The following AACS variants were observed in gnomAD, a reference collection of about 807,000 sequenced individuals.
The protein encoded by AACS is acetoacetyl-CoA synthetase.
Under a neutral mutation model 83.1 loss-of-function variants are expected in AACS, and 69 were observed. The ratio of observed to expected loss-of-function variants is 0.83; its 90% confidence interval spans 0.68 to 1.01. The LOEUF is 1.01. Among genes scored for constraint, AACS ranks in the 50% least tolerant of loss-of-function variants. AACS has a pLI of 0.00. For missense variants in AACS, 866 were observed against 882.2 expected (o/e 0.98, Z 0.23); for synonymous variants, 333 against 343.4 (o/e 0.97, Z 0.33).
intron 8 of AACS, among the ~76,000 whole-genome samples, chr12:125,109,589 C>A (rs934285634): frequency 6.6e-6 from 1 of 152,226 alleles, no homozygotes; most frequent in African/African-American, 2.4e-5. Flanking sequence ...CAGGAGCGTT[C>A]TCTTACAGAA....
chr12:125,079,844 A>G (rs1429322893), intron 3 of AACS, among the ~76,000 whole-genome samples: 4 of 152,102 alleles, frequency 2.6e-5, no homozygotes, highest in Admixed American at 1.3e-4. Flanking sequence ...CCCCATACCA[A>G]TTAGCAGTCA....
At chr12:125,090,318 CAACT>C (rs375567983) in intron 4 of AACS, among the ~76,000 whole-genome samples, 1,156 of 12,752 alleles carry the variant, frequency 0.091, 20 homozygotes, top group African/African-American at 0.22. Context: ...TCCATCCATC[CAACT>C]GTCTATACAT....
chr12:125,121,523 A>G (rs915624325), intron 10 of AACS: 4 of 152,248 alleles, frequency 2.6e-5, no homozygotes, highest in African/African-American at 9.6e-5. Context: ...TTATTGACAC[A>G]TTCGATCAAA....
chr12:125,106,371 A>T (rs560423891), intron 7 of AACS, among the ~76,000 whole-genome samples: 1 of 152,308 alleles, frequency 6.6e-6, no homozygotes, highest in Non-Finnish European at 1.5e-5. Flanking sequence ...CACCTACAAC[A>T]ATGCTGCCTG....
At chr12:125,066,969 C>A (rs147011825) in intron 1 of AACS, among the ~76,000 whole-genome samples, 2 of 152,334 alleles carry the variant, frequency 1.3e-5, no homozygotes, top group East Asian at 3.9e-4. Context: ...CTTTCCTCCT[C>A]ACCAAACAGT....
chr12:125,077,229 TA>T (rs1416354376), intron 3 of AACS, among the ~76,000 whole-genome samples: 2 of 152,086 alleles, frequency 1.3e-5, no homozygotes, highest in African/African-American at 4.8e-5. Flanking sequence ...GTGCAGCTTT[TA>T]AAAATTTATT....
At chr12:125,074,022 G>A (rs771390219) in intron 2 of AACS, 43 bp downstream of exon 2, 12 of 1,487,078 alleles carry the variant, frequency 8.1e-6, no homozygotes, top group Admixed American at 5.2e-5. Flanking sequence ...TTTTGTGGTC[G>A]TGCTTCAAAG....
In AACS at chr12:125,113,738, A is replaced by G. The variant is rs1389071522; in HGVS notation, c.916-739A>G. ...AAATATGTGCCGGCATCAGCAAGAA[A>G]GACGTTCACAGGAAACTGCTAGGAC... On this transcript the variant is annotated intron_variant, in intron 8 of 17. Transcript: ENST00000316519. This position sits in a 1 kb window ranked among gnomAD's most constrained non-coding sequence, Gnocchi z 4.8. Among the ~76,000 whole-genome samples, 3 of 152,222 alleles carry G rather than the reference A, an allele frequency of 2.0e-5. No homozygotes were observed. The highest frequency in any genetic ancestry group is 4.4e-5 in the Non-Finnish European group (3 of 68,050).
Position 125,091,349 on chromosome 12 carries a change from C to G in AACS, c.473-77C>G, listed in dbSNP as rs1394958547. On this transcript the variant is annotated intron_variant, in intron 4 of 17. Coordinates refer to ENST00000316519, the MANE Select transcript of AACS (RefSeq NM_023928.5). ...CCCCCTTCCCACTCTGACCTTGGCTCTCAGAGAAACCTTTTGGACATCTGC... is the reference window on the plus strand; with the variant it reads ...CCCCCTTCCCACTCTGACCTTGGCTGTCAGAGAAACCTTTTGGACATCTGC... The G allele has an allele frequency of 4.8e-6, 7 of 1,464,514 alleles. No homozygotes were observed. The Admixed American group carries it at 1.1e-4, about 23-fold the overall frequency. The allele number at this position is 1,464,514 out of a possible 1,614,324, so 90.7% of individuals were successfully genotyped here.
At chr12:125,103,339 G>T (rs1239629400) in intron 7 of AACS, among the ~76,000 whole-genome samples, 4 of 152,222 alleles carry the variant, frequency 2.6e-5, no homozygotes, top group Non-Finnish European at 5.9e-5. Flanking sequence ...CTTATGTAGG[G>T]GGCTCTGATG....
intron 1 of AACS, among the ~76,000 whole-genome samples, chr12:125,066,287 A>G (rs1955690738): frequency 6.7e-6 from 1 of 149,798 alleles, no homozygotes; most frequent in African/African-American, 2.5e-5. Flanking sequence ...CTCTCTTTCC[A>G]CCCATCACCT....
chr12:125,120,324 C>G (rs1318192927), intron 10 of AACS: 1 of 152,164 alleles, frequency 6.6e-6, no homozygotes, highest in Non-Finnish European at 1.5e-5. Context: ...GTTGCCAGAG[C>G]TCCAGGGGCC....
At chr12:125,136,519 C>T in intron 16 of AACS, 143 bp from the exon 17 acceptor site, 2 of 637,908 alleles carry the variant, frequency 3.1e-6, no homozygotes, top group Non-Finnish European at 5.4e-6. Flanking sequence ...GGCCCTTCTC[C>T]TGGGTGGACT....
At chr12:125,092,893 G>T (rs1470975934) in intron 5 of AACS, among the ~76,000 whole-genome samples, 1 of 152,218 alleles carries the variant, frequency 6.6e-6, no homozygotes, top group Non-Finnish European at 1.5e-5. Flanking sequence ...CAGGGCAGAG[G>T]GAAGGGCCCC....
intron 7 of AACS, among the ~76,000 whole-genome samples, chr12:125,106,311 G>A (rs927713048): frequency 5.3e-5 from 8 of 152,212 alleles, no homozygotes; most frequent in Admixed American, 3.3e-4. Flanking sequence ...GCTGTTTCTA[G>A]TGCAGAAAAC....
chr12:125,116,286 A>G (rs1164091897), intron 9 of AACS, among the ~76,000 whole-genome samples: 1 of 152,132 alleles, frequency 6.6e-6, no homozygotes, highest in Admixed American at 6.5e-5. Flanking sequence ...ACGGCAATTT[A>G]AAATGGGAGG....
intron 4 of AACS, 22 bp from the exon 5 acceptor site, chr12:125,091,404 T>G: frequency 6.2e-7 from 1 of 1,613,190 alleles, no homozygotes; most frequent in Admixed American, 1.7e-5. Context: ...ACCCAAGGCT[T>G]CTTCCTATGT....
At chr12:125,118,353 G>A (rs1360363607) in intron 9 of AACS, 1 of 383,288 alleles carries the variant, frequency 2.6e-6, no homozygotes, top group African/African-American at 2.1e-5. Context: ...TGCACCTCCT[G>A]TGGCCTTGCT....
chr12:125,136,877 C>T lies in AACS; in HGVS notation c.1881+13C>T, dbSNP rs1325560469. 8 of 1,610,834 alleles carry T rather than the reference C, an allele frequency of 5.0e-6. No individual in the cohort carries two copies. Among genetic ancestry groups the T allele is most frequent in the Middle Eastern group, 1.6e-4 (1 of 6,080 alleles). Reference sequence around the variant, plus strand: ...CAAGGGCATCCCGGTATGGCCATCTCCCGCCAGCGAGGAGACCGCAGCCAT... The same window carrying T: ...CAAGGGCATCCCGGTATGGCCATCTTCCGCCAGCGAGGAGACCGCAGCCAT... On this transcript the variant is annotated intron_variant, in intron 17 of 17. Transcript: ENST00000316519.
Sources: gnomAD v4.1 joint callset for allele counts (sites outside exome capture counted in the v4.1 genomes callset) on GRCh38, gnomAD v4.1.1 for gene constraint, Gnocchi (gnomAD v3.1) non-coding constraint, MANE v1.5 for transcripts, NCBI Gene and HGNC (gene_info 2026-07-23, HGNC 2026-07-21) for gene names.